The following BRDT variants were observed in gnomAD, a reference collection of about 807,000 sequenced individuals.
BRDT encodes the protein bromodomain testis-specific protein.
Under a neutral mutation model 113.9 loss-of-function variants are expected in BRDT, and 77 were observed. That is an observed-to-expected ratio of 0.68 (90% CI 0.56 to 0.82). BRDT has a LOEUF of 0.82. Among genes scored for constraint, BRDT ranks in the 40% least tolerant of loss-of-function variants. The pLI, the probability that BRDT is intolerant of heterozygous loss-of-function variation, is 0.00. For synonymous variants in BRDT, 358 were observed against 366.5 expected, an observed-to-expected ratio of 0.98 and a Z score of 0.26; for missense variants, 1,027 against 1,105.4, an observed-to-expected ratio of 0.93 and a Z score of 1.01.
chr1:91,979,461 G>T lies in BRDT; in HGVS notation c.1099-108G>T, dbSNP rs911017993. 5 of 1,114,866 alleles carry T rather than the reference G, an allele frequency of 4.5e-6. No homozygotes were observed. The African/African-American group carries it at 8.0e-5, about 18-fold the overall frequency. The allele number at this position is 1,114,866 out of a possible 1,614,324, so 69.1% of individuals were successfully genotyped here. On this transcript the variant is annotated intron_variant, in intron 7 of 18. Coordinates refer to ENST00000399546, the MANE Select transcript of BRDT (RefSeq NM_207189.4). ...TTCTGATATATCTTAAAGGAAAAAA[G>T]AATTCTGGTCAAAATATGACACTGA...
intron 12 of BRDT, 25 bp downstream of exon 12, chr1:91,981,780 T>C: frequency 6.3e-7 from 1 of 1,576,006 alleles, no homozygotes; most frequent in Non-Finnish European, 8.6e-7. Flanking sequence ...TAAATGTACC[T>C]CTGTTGATGG....
intron 4 of BRDT, among the ~76,000 whole-genome samples, chr1:91,974,212 A>G (rs903878595): frequency 3.3e-5 from 5 of 152,154 alleles, no homozygotes; most frequent in African/African-American, 1.2e-4. Context: ...TACCATTCAG[A>G]ACATAGGCAT....
chr1:91,994,162 CAA>C lies in BRDT; in HGVS notation c.2197_2198del (p.Asn733SerfsTer7). ...ACCACACCTTCACATGTAATGCCAC[CAA>C]ATCACCACCAATTAGCATTTAATTA... On this transcript the variant is annotated frameshift_variant, in exon 15 of 19. Coordinates refer to ENST00000399546, the MANE Select transcript of BRDT (RefSeq NM_207189.4). LOFTEE classifies it high-confidence loss of function. 1.2e-6 allele frequency: 2 copies of C among 1,613,338 alleles called. No individual in the cohort carries two copies. The highest frequency in any genetic ancestry group is 1.7e-6 in the Non-Finnish European group (2 of 1,179,436).
At chr1:91,971,931 T>A (rs1387030935) in intron 4 of BRDT, among the ~76,000 whole-genome samples, 3 of 152,144 alleles carry the variant, frequency 2.0e-5, no homozygotes, top group Non-Finnish European at 4.4e-5. Flanking sequence ...GGGGTTAGTC[T>A]CATTACCCTA....
At chr1:91,971,646 A>G (rs1683636384) in intron 4 of BRDT, among the ~76,000 whole-genome samples, 1 of 152,258 alleles carries the variant, frequency 6.6e-6, no homozygotes, top group African/African-American at 2.4e-5. Context: ...TTATCAGTGA[A>G]TAAAACAAAA....
chr1:91,958,532 T>A (rs1318931834), intron 1 of BRDT, among the ~76,000 whole-genome samples: 10 of 152,176 alleles, frequency 6.6e-5, no homozygotes, highest in Non-Finnish European at 1.3e-4. Context: ...TCATTTCTTT[T>A]TAGTGCTGAA....
intron 1 of BRDT, among the ~76,000 whole-genome samples, chr1:91,952,890 G>A (rs954200008): frequency 4.0e-5 from 6 of 151,718 alleles, no homozygotes; most frequent in Non-Finnish European, 8.8e-5. Flanking sequence ...CTCATCCTTA[G>A]ACTGAAGGGA....
At chr1:91,959,457 CTG>C (rs1440724348) in intron 1 of BRDT, among the ~76,000 whole-genome samples, 4 of 142,676 alleles carry the variant, frequency 2.8e-5, no homozygotes, top group Admixed American at 2.2e-4. Flanking sequence ...TGAGGTCTCA[CTG>C]TGTTGCCCAG....
At chr1:91,993,226 G>A (rs1237600588) in intron 14 of BRDT, among the ~76,000 whole-genome samples, 2 of 152,082 alleles carry the variant, frequency 1.3e-5, no homozygotes, top group African/African-American at 4.8e-5. Context: ...TATTTGCATA[G>A]GTGTTACTTG....
intron 4 of BRDT, among the ~76,000 whole-genome samples, chr1:91,970,926 A>AG (rs1484192005): frequency 1.3e-5 from 2 of 151,868 alleles, no homozygotes; most frequent in African/African-American, 2.4e-5. Context: ...AAAAAAAAAA[A>AG]AAAAGAAAAG....
intron 12 of BRDT, among the ~76,000 whole-genome samples, chr1:91,987,558 G>T (rs973891775): frequency 6.6e-6 from 1 of 151,576 alleles, no homozygotes; most frequent in African/African-American, 2.4e-5. Flanking sequence ...GGCTGGTCTC[G>T]AACACCTGAC....
chr1:92,014,345 T>G lies in BRDT; in HGVS notation c.*71T>G, dbSNP rs1249220944. On this transcript the variant is annotated 3_prime_UTR_variant, in exon 19 of 19. Transcript: ENST00000399546. ...GATCAAAATGCATATGGTAAAATGA[T>G]TGCTTTCAGATAACAAGATACCAAT... 4.7e-6 allele frequency: 5 copies of G among 1,072,544 alleles called. No individual in the cohort carries two copies. Among genetic ancestry groups the G allele is most frequent in the Non-Finnish European group, 6.8e-6 (5 of 735,514 alleles). 66.4% of individuals were successfully genotyped at this position (1,072,544 alleles called of 1,614,324 possible).
At chr1:91,986,530 T>G (rs112222629) in intron 12 of BRDT, among the ~76,000 whole-genome samples, 158 of 152,358 alleles carry the variant, frequency 1.0e-3, no homozygotes, top group African/African-American at 3.7e-3. Context: ...TTTCTTTAGT[T>G]GTTTAAGACT....
intron 15 of BRDT, among the ~76,000 whole-genome samples, chr1:92,000,273 A>T (rs1056762204): frequency 3.3e-5 from 5 of 152,216 alleles, no homozygotes; most frequent in African/African-American, 9.6e-5. Context: ...TCACTTTAGA[A>T]TTTCACTTAC....
intron 4 of BRDT, among the ~76,000 whole-genome samples, chr1:91,975,362 A>G (rs10783073): frequency 0.7 from 106,855 of 152,048 alleles, 38,813 homozygotes; most frequent in Middle Eastern, 0.81. Context: ...TACACATGCT[A>G]TGAGCACTTT....
intron 18 of BRDT, among the ~76,000 whole-genome samples, chr1:92,012,713 C>A (rs990193215): frequency 1.3e-5 from 2 of 151,948 alleles, no homozygotes; most frequent in Non-Finnish European, 2.9e-5. Context: ...GAGTTCGAGA[C>A]CAGCCTGGCC....
chr1:91,956,925 C>G (rs568637892), intron 1 of BRDT, among the ~76,000 whole-genome samples: 1 of 152,210 alleles, frequency 6.6e-6, no homozygotes, highest in South Asian at 2.1e-4. Context: ...GGTGACAGAG[C>G]AAGACCCTGT....
At chr1:91,994,790 C>T (rs1378388294) in intron 15 of BRDT, among the ~76,000 whole-genome samples, 1 of 140,850 alleles carries the variant, frequency 7.1e-6, no homozygotes, top group African/African-American at 2.6e-5. Flanking sequence ...ATGGCGTGAA[C>T]CCAGGAGGCG....
Position 91,968,199 on chromosome 1 carries a change from G to A in BRDT, c.384G>A (p.Gln128=). The A allele has an allele frequency of 6.2e-7, 1 of 1,614,042 alleles. No individual in the cohort carries two copies. Among genetic ancestry groups the A allele is most frequent in the Non-Finnish European group, 8.5e-7 (1 of 1,180,000 alleles). Residue 128 remains glutamine, a synonymous_variant, in exon 4 of 19, where the codon CAG becomes CAA. Transcript: ENST00000399546. ...MAQALEKLFM[Q]KLSQMPQEEQ... is the part of the protein sequence containing the mutation. ...AAGCTCTAGAGAAGCTGTTTATGCA[G>A]AAATTATCTCAGATGCCACAAGAAG...
Sources: gnomAD v4.1 joint callset for allele counts (sites outside exome capture counted in the v4.1 genomes callset) on GRCh38, gnomAD v4.1.1 for gene constraint, MANE v1.5 for transcripts, NCBI Gene and HGNC (gene_info 2026-07-23, HGNC 2026-07-21) for gene names.